CHN2: variants seen among roughly 807,000 people sequenced by gnomAD.
CHN2 encodes the protein chimerin 2.
A neutral mutation model predicts 56.3 loss-of-function variants in CHN2; 35 were observed. That is an observed-to-expected ratio of 0.62 (90% CI 0.47 to 0.82). The LOEUF (loss-of-function observed/expected upper bound fraction) is 0.82, where lower values mean the gene tolerates loss of function less well. CHN2 is among the 40% of genes least tolerant of loss of function. The probability of loss-of-function intolerance (pLI) is 0.00; values close to 1 mark genes in which losing one functional copy is unlikely to be tolerated. For missense variants in CHN2, 491 were observed against 580.5 expected (o/e 0.85, Z 1.58); for synonymous variants, 210 against 212.8 (o/e 0.99, Z 0.12).
chr7:29,404,197 C>T (rs1231651474), intron 6 of CHN2, among the ~76,000 whole-genome samples: 2 of 152,164 alleles, frequency 1.3e-5, no homozygotes, highest in Non-Finnish European at 2.9e-5. Context: ...GCTAAAAGTA[C>T]TCAGTATTTA....
At chr7:29,339,707 G>A (rs1796895735) in intron 1 of CHN2, among the ~76,000 whole-genome samples, 2 of 151,974 alleles carry the variant, frequency 1.3e-5, no homozygotes, top group Admixed American at 1.3e-4. Context: ...ACAAAAATCA[G>A]CCAGGCATGA....
intron 1 of CHN2, among the ~76,000 whole-genome samples, chr7:29,292,176 G>T (rs187480800): frequency 1.3e-5 from 2 of 152,268 alleles, no homozygotes; most frequent in Admixed American, 1.3e-4. Flanking sequence ...AGACGGGCCA[G>T]CACCCTTAAT....
intron 1 of CHN2, among the ~76,000 whole-genome samples, chr7:29,273,975 A>T (rs900333321): frequency 1.3e-5 from 2 of 152,192 alleles, no homozygotes; most frequent in Non-Finnish European, 2.9e-5. Context: ...ATGCTTTGAG[A>T]ACTGCTTCCC....
chr7:29,264,612 A>AG (rs1325841678), intron 1 of CHN2, among the ~76,000 whole-genome samples: 1 of 152,130 alleles, frequency 6.6e-6, no homozygotes, highest in African/African-American at 2.4e-5. Flanking sequence ...GCTTGAAGGC[A>AG]GCATACTCGT....
chr7:29,436,278 A>G (rs1413317646), intron 6 of CHN2, among the ~76,000 whole-genome samples: 1 of 152,180 alleles, frequency 6.6e-6, no homozygotes, highest in Admixed American at 6.5e-5. Flanking sequence ...TTGACCAGTA[A>G]GACTAGGGAG....
intron 6 of CHN2, among the ~76,000 whole-genome samples, chr7:29,457,678 G>A (rs1023954689): frequency 1.3e-5 from 2 of 152,208 alleles, no homozygotes; most frequent in South Asian, 2.1e-4. Flanking sequence ...GCATTTAAAT[G>A]AGTATCAGGA....
chr7:29,173,951 A>G (rs2128729331), intron 2 of CHN2, among the ~76,000 whole-genome samples: 1 of 147,428 alleles, frequency 6.8e-6, no homozygotes, highest in Non-Finnish European at 1.5e-5. Context: ...GACTGACTCA[A>G]AAAAAAAAAA....
At chr7:29,353,503 A>G (rs1372985550) in intron 1 of CHN2, among the ~76,000 whole-genome samples, 2 of 152,154 alleles carry the variant, frequency 1.3e-5, no homozygotes, top group Admixed American at 6.5e-5. Context: ...AAACTATAAA[A>G]AATTGGCTGG....
intron 1 of CHN2, among the ~76,000 whole-genome samples, chr7:29,252,590 T>TGTTTTG (rs1554378158): frequency 7.8e-4 from 25 of 31,912 alleles, no homozygotes; most frequent in Admixed American, 1.7e-3. Context: ...TTTTTTTTTT[T>TGTTTTG]TTTTTTTTTT....
At chr7:29,278,492 A>G (rs1244906889) in intron 1 of CHN2, among the ~76,000 whole-genome samples, 4 of 151,382 alleles carry the variant, frequency 2.6e-5, no homozygotes, top group Non-Finnish European at 5.9e-5. Context: ...TTGGCCCATG[A>G]GCCACAGTTT....
intron 2 of CHN2, among the ~76,000 whole-genome samples, chr7:29,169,063 T>C (rs561918646): frequency 0.017 from 2,528 of 152,334 alleles, 53 homozygotes; most frequent in African/African-American, 0.057. Context: ...TAGGCAATTC[T>C]AATGGATATA....
chr7:29,263,366 C>T (rs1345000075), intron 1 of CHN2, among the ~76,000 whole-genome samples: 7 of 152,220 alleles, frequency 4.6e-5, no homozygotes, highest in Non-Finnish European at 8.8e-5. Context: ...GTGGCGTGAT[C>T]TCGGATCGCT....
At chr7:29,307,895 T>C (rs188598844) in intron 1 of CHN2, among the ~76,000 whole-genome samples, 2 of 152,352 alleles carry the variant, frequency 1.3e-5, no homozygotes, top group East Asian at 1.9e-4. Flanking sequence ...CTATTTTGAA[T>C]TTTTGACTTC....
chr7:29,473,786 G>A (rs868460448), intron 6 of CHN2, among the ~76,000 whole-genome samples: 1 of 152,056 alleles, frequency 6.6e-6, no homozygotes, highest in African/African-American at 2.4e-5. Flanking sequence ...TCTTTGATAA[G>A]AGGTAATTGT....
At chr7:29,231,996 G>A (rs1786751993) in intron 1 of CHN2, among the ~76,000 whole-genome samples, 2 of 152,174 alleles carry the variant, frequency 1.3e-5, no homozygotes, top group African/African-American at 4.8e-5. Flanking sequence ...TACACAAACA[G>A]CAACAACTTT....
chr7:29,443,191 C>T (rs925350448), intron 6 of CHN2, among the ~76,000 whole-genome samples: 2 of 151,976 alleles, frequency 1.3e-5, no homozygotes, highest in Non-Finnish European at 2.9e-5. Context: ...CCACCCGCCT[C>T]GGCCTCCCAA....
At chr7:29,299,499 A>G (rs1379536944) in intron 1 of CHN2, among the ~76,000 whole-genome samples, 1 of 152,046 alleles carries the variant, frequency 6.6e-6, no homozygotes, top group African/African-American at 2.4e-5. Context: ...GTATCCAGCA[A>G]CACCGCCTCT....
intron 1 of CHN2, among the ~76,000 whole-genome samples, chr7:29,202,365 C>A (rs1168647620): frequency 6.6e-6 from 1 of 152,156 alleles, no homozygotes; most frequent in African/African-American, 2.4e-5. Context: ...ATTTTCAGCA[C>A]ATTTAATTGG....
At chr7:29,195,674 T>C (rs911320747) in intron 1 of CHN2, among the ~76,000 whole-genome samples, 18 of 141,872 alleles carry the variant, frequency 1.3e-4, no homozygotes, top group Admixed American at 9.8e-4. Flanking sequence ...GAGAGACTCC[T>C]TAGAGATTTT....
Sources: allele counts gnomAD v4.1 joint callset (sites outside exome capture counted in the v4.1 genomes callset), GRCh38; gene constraint gnomAD v4.1.1; transcripts MANE v1.5; gene names NCBI Gene and HGNC (gene_info 2026-07-23, HGNC 2026-07-21).